PASK: variants seen among roughly 807,000 people sequenced by gnomAD.
PASK encodes PAS domain-containing serine/threonine-protein kinase.
Under a neutral mutation model 121.0 loss-of-function variants are expected in PASK, and 110 were observed. The ratio of observed to expected loss-of-function variants is 0.91; its 90% CI spans 0.78 to 1.06. PASK has a LOEUF of 1.06. Ranked by LOEUF, PASK falls within the 50% of genes least tolerant of loss-of-function variation. PASK has a pLI of 0.00. For missense variants in PASK, 1,643 were observed against 1,702.3 expected, an observed-to-expected ratio of 0.97 and a Z score of 0.61; for synonymous variants, 686 against 717.8, an observed-to-expected ratio of 0.96 and a Z score of 0.71.
At chr2:241,110,140 G>A (rs2065047776) in intron 15 of PASK, among the ~76,000 whole-genome samples, 1 of 152,234 alleles carries the variant, frequency 6.6e-6, no homozygotes, top group Non-Finnish European at 1.5e-5. Flanking sequence ...GGAAGATGCT[G>A]GCACAGGCCA....
intron 1 of PASK, among the ~76,000 whole-genome samples, chr2:241,148,601 A>G (rs1481854065): frequency 6.6e-6 from 1 of 152,216 alleles, no homozygotes; most frequent in Non-Finnish European, 1.5e-5. Context: ...ATGCCTGCCC[A>G]AAGTCTTAAT....
intron 7 of PASK, among the ~76,000 whole-genome samples, chr2:241,136,404 CCAGGA>C (rs1313988640): frequency 6.6e-6 from 1 of 152,178 alleles, no homozygotes; most frequent in Non-Finnish European, 1.5e-5. Flanking sequence ...TGACATGCAC[CCAGGA>C]CAGAAGGACT....
chr2:241,121,669 T>C (rs2065618636), intron 12 of PASK, among the ~76,000 whole-genome samples: 1 of 152,140 alleles, frequency 6.6e-6, no homozygotes, highest in Admixed American at 6.6e-5. Context: ...AGTAAAAGAA[T>C]GAGAAAAGTT....
At chr2:241,114,974 T>C in intron 14 of PASK, 69 bp downstream of exon 14, 1 of 1,613,168 alleles carries the variant, frequency 6.2e-7, no homozygotes, top group Non-Finnish European at 8.5e-7. Context: ...GGATCACTGA[T>C]CTTTGCAGCC....
At chr2:241,137,848 T>G (rs1005795624) in intron 6 of PASK, 105 bp downstream of exon 6, 19 of 1,304,856 alleles carry the variant, frequency 1.5e-5, no homozygotes, top group Non-Finnish European at 2.1e-5. Context: ...GTCCCACCCC[T>G]AAGGCCACCC....
At chr2:241,140,954 C>T (rs1432102443) in intron 2 of PASK, 2 of 619,812 alleles carry the variant, frequency 3.2e-6, no homozygotes, top group Admixed American at 2.4e-5. Flanking sequence ...ACCAGGTCCA[C>T]TCGGAAGCAC....
At chr2:241,135,314 G>C (rs1469391591) in intron 8 of PASK, among the ~76,000 whole-genome samples, 1 of 152,108 alleles carries the variant, frequency 6.6e-6, no homozygotes, top group East Asian at 1.9e-4. Context: ...TGGGTTCCAG[G>C]ACCCCCAGAA....
chr2:241,123,949 T>C lies in PASK; in HGVS notation c.2904A>G (p.Glu968=). ...AAELTGPSLV[E]VLRARPWFEE... ...GCAGGCATTGATTGCAAATACCCAC[T>C]TCCACCAGGCTGGGTCCGGTGAGCT... Residue 968 remains glutamate (E), a splice_region_variant and synonymous_variant, in exon 11 of 18, where the codon GAA becomes GAG. Transcript: ENST00000234040. 1 of 1,613,002 alleles carries C rather than the reference T, an allele frequency of 6.2e-7. No homozygotes were observed. Among genetic ancestry groups the C allele is most frequent in the Non-Finnish European group, 8.5e-7 (1 of 1,179,536 alleles).
In PASK at chr2:241,128,618, C is replaced by T. The variant is rs967442776; in HGVS notation, c.1464-1167G>A. On this transcript the variant is annotated intron_variant, in intron 9 of 17. Coordinates refer to ENST00000234040, the MANE Select transcript of PASK (RefSeq NM_015148.4). ...AAGAGGACAGGATCGGGCACAGTGGCCCACACCTGTAATCCCAGCACTGTG... is the reference window on the plus strand; with the variant it reads ...AAGAGGACAGGATCGGGCACAGTGGTCCACACCTGTAATCCCAGCACTGTG... Among the ~76,000 whole-genome samples, 7 of 152,182 alleles carry T rather than the reference C, an allele frequency of 4.6e-5. No homozygotes were observed. The East Asian group carries it at 5.8e-4, about 13-fold the overall frequency.
chr2:241,145,228 G>A (rs1027105448), intron 1 of PASK, among the ~76,000 whole-genome samples: 3 of 152,110 alleles, frequency 2.0e-5, no homozygotes, highest in Non-Finnish European at 4.4e-5. Context: ...CTCCCTGTTT[G>A]TATGTATCTT....
At position 241,138,024 on chromosome 2, in the gene PASK, C is replaced by T. The variant is rs573164247; in HGVS notation, c.805G>A (p.Val269Met). The T allele has an allele frequency of 6.2e-6, 10 of 1,614,054 alleles. No individual in the cohort carries two copies. Among genetic ancestry groups the T allele is most frequent in the Middle Eastern group, 1.6e-4 (1 of 6,084 alleles). Residue 269 changes from valine (V) to methionine (M), a missense_variant, in exon 6 of 18, where the codon GTG (valine) becomes ATG (methionine). Physicochemically the swap from Val to Met is conservative, Grantham distance 21. Around this residue, in one of 3 missense-constraint regions of PASK, gnomAD observed 1,176 missense variants for 1,162.2 expected, o/e 1.01. Transcript: ENST00000234040. ...AGGTCTGTGATATGCTGCCCAGCCA[C>T]GTCCTCCCCAGACACGTACCCGTGA... is the stretch of plus-strand genomic sequence containing the variant. ...HLHGYVSGEDVAGQHITDLIP... is the reference protein window; with the variant it reads ...HLHGYVSGEDMAGQHITDLIP...
intron 9 of PASK, among the ~76,000 whole-genome samples, chr2:241,132,348 CTA>C (rs1491163135): frequency 6.6e-6 from 1 of 150,914 alleles, no homozygotes; most frequent in African/African-American, 2.4e-5. Context: ...CATGGTGAAA[CTA>C]AAAAAAATAC....
intron 12 of PASK, among the ~76,000 whole-genome samples, chr2:241,122,186 TA>T (rs2065641263): frequency 6.6e-6 from 1 of 151,862 alleles, no homozygotes; most frequent in African/African-American, 2.4e-5. Context: ...TGATCTAAGA[TA>T]CCACCTTAGG....
chr2:241,140,734 A>G lies in PASK; in HGVS notation c.216T>C (p.Tyr72=). ...TALSEDRWSS[Y]CLSSLAAQNI... ...TCTGGGCAGCCAGTGATGATAGACAATAGGAGCTCCATCTGTCTTCTGAAA... is the reference window on the plus strand; with the variant it reads ...TCTGGGCAGCCAGTGATGATAGACAGTAGGAGCTCCATCTGTCTTCTGAAA... The change falls in exon 3 of 18, where the codon TAT becomes TAC. Residue 72 remains tyrosine, a synonymous_variant. Transcript: ENST00000234040. 6.2e-7 allele frequency: 1 copy of G among 1,610,404 alleles called. No homozygotes were observed. Among genetic ancestry groups the G allele is most frequent in the Non-Finnish European group, 8.5e-7 (1 of 1,176,542 alleles).
In PASK at chr2:241,107,525, T is replaced by C. The variant is rs760827292; in HGVS notation, c.3668-26A>G. 6 of 1,611,844 alleles carry C rather than the reference T, an allele frequency of 3.7e-6. No individual in the cohort carries two copies. In the African/African-American group the frequency reaches 6.7e-5, roughly 18 times the overall value. ...CTGGGGACACAAAGAACACAGATGG[T>C]AGGTCCAGATTGGGATGAAGTGGAG... On this transcript the variant is annotated intron_variant, in intron 16 of 17. Coordinates refer to ENST00000234040, the MANE Select transcript of PASK (RefSeq NM_015148.4).
chr2:241,141,160 C>T (rs777140288), intron 2 of PASK, among the ~76,000 whole-genome samples: 11 of 152,128 alleles, frequency 7.2e-5, no homozygotes, highest in Non-Finnish European at 1.0e-4. Flanking sequence ...AGTGGCGTGC[C>T]CTTGCAGCCC....
intron 10 of PASK, 146 bp downstream of exon 10, chr2:241,126,050 A>T: frequency 5.2e-6 from 4 of 771,868 alleles, no homozygotes; most frequent in East Asian, 2.7e-5. Flanking sequence ...GGGGTGGATG[A>T]TATGCATTCT....
intron 8 of PASK, among the ~76,000 whole-genome samples, chr2:241,135,127 C>T (rs773311956): frequency 4.6e-5 from 7 of 152,218 alleles, no homozygotes; most frequent in Non-Finnish European, 8.8e-5. Flanking sequence ...AGTGTGCTCA[C>T]CCTGTCTTCA....
chr2:241,107,451 C>T lies in PASK; in HGVS notation c.3716G>A (p.Arg1239His), dbSNP rs971349330. The T allele has an allele frequency of 1.8e-5, 29 of 1,613,544 alleles. No individual in the cohort carries two copies. Among genetic ancestry groups the T allele is most frequent in the African/African-American group, 2.7e-5 (2 of 74,912 alleles). The change falls in exon 17 of 18, where the codon CGC (arginine) becomes CAC (histidine). Residue 1239 changes from arginine (R) to histidine (H), a missense_variant. Coordinates refer to ENST00000234040, the MANE Select transcript of PASK (RefSeq NM_015148.4). ...TGTCACCAGCTTCTCCAAGGTGGTG[C>T]GTCTCTCAGGGACTGGCTGCAGCAG... is the stretch of plus-strand genomic sequence containing the variant. ...SGLLQPVPER[R>H]TTLEKLVTDP...
Sources: allele counts gnomAD v4.1 joint callset (sites outside exome capture counted in the v4.1 genomes callset), GRCh38; gene constraint gnomAD v4.1.1; regional missense constraint gnomAD v4.1.1; transcripts MANE v1.5; gene names NCBI Gene and HGNC (gene_info 2026-07-23, HGNC 2026-07-21).